MAP3K7: variants seen among roughly 807,000 people sequenced by gnomAD.
MAP3K7 encodes mitogen-activated protein kinase kinase kinase 7.
Under a neutral mutation model 84.8 loss-of-function variants are expected in MAP3K7, and 21 were observed. The observed-to-expected ratio is 0.25, with a 90% CI of 0.18 to 0.36. MAP3K7 has a LOEUF of 0.36. MAP3K7 is among the 10% of genes least tolerant of loss of function. The probability of loss-of-function intolerance (pLI) is 1.00; values close to 1 mark genes in which losing one functional copy is unlikely to be tolerated. For missense variants in MAP3K7, 503 were observed against 747.7 expected, an observed-to-expected ratio of 0.67 and a Z score of 3.82; for synonymous variants, 241 against 247.7, an observed-to-expected ratio of 0.97 and a Z score of 0.25.
chr6:90,533,024 G>T (rs1033866815), intron 13 of MAP3K7, among the ~76,000 whole-genome samples: 1 of 152,158 alleles, frequency 6.6e-6, no homozygotes, highest in Non-Finnish European at 1.5e-5. Flanking sequence ...GCAGTATAAG[G>T]AAGTAAGAGA....
intron 16 of MAP3K7, among the ~76,000 whole-genome samples, chr6:90,517,097 T>C (rs967821154): frequency 4.6e-5 from 7 of 152,004 alleles, no homozygotes; most frequent in African/African-American, 9.6e-5. Context: ...TACTTAACTA[T>C]AGCAGAGAGT....
chr6:90,537,739 C>T (rs1394483295), intron 12 of MAP3K7, among the ~76,000 whole-genome samples: 1 of 151,940 alleles, frequency 6.6e-6, no homozygotes, highest in East Asian at 1.9e-4. Context: ...CACTAGATTA[C>T]TTTTCTGAAT....
intron 7 of MAP3K7, among the ~76,000 whole-genome samples, chr6:90,552,453 C>T (rs963735679): frequency 1.2e-4 from 19 of 152,042 alleles, no homozygotes; most frequent in Admixed American, 1.0e-3. Flanking sequence ...CACAATGATA[C>T]TAATGGTAGT....
intron 1 of MAP3K7, 52 bp from the exon 2 acceptor site, chr6:90,571,859 A>T (rs1366140593): frequency 1.0e-6 from 1 of 983,588 alleles, no homozygotes; most frequent in Non-Finnish European, 1.5e-6. Context: ...CAAGAATCGG[A>T]ATCAAATAGA....
At chr6:90,526,366 TA>T (rs983670908) in intron 13 of MAP3K7, among the ~76,000 whole-genome samples, 16 of 151,930 alleles carry the variant, frequency 1.1e-4, no homozygotes, top group African/African-American at 3.9e-4. Context: ...ATCTCAAAGT[TA>T]AAAAAAATTT....
chr6:90,533,837 G>C (rs932098928), intron 13 of MAP3K7, among the ~76,000 whole-genome samples: 3 of 152,274 alleles, frequency 2.0e-5, no homozygotes, highest in Middle Eastern at 3.4e-3. Flanking sequence ...CCAGTTCCTG[G>C]ATGTCAGGGA....
chr6:90,536,844 T>A (rs1202867938), intron 12 of MAP3K7: 1 of 158,660 alleles, frequency 6.3e-6, no homozygotes, highest in Non-Finnish European at 1.4e-5. Context: ...AATACCTTGT[T>A]CATTTCAGGG....
chr6:90,526,000 T>C (rs1462375904), intron 13 of MAP3K7, among the ~76,000 whole-genome samples: 1 of 152,072 alleles, frequency 6.6e-6, no homozygotes, highest in African/African-American at 2.4e-5. Context: ...AGTTACATGA[T>C]ATTGCACTTG....
chr6:90,576,192 G>A (rs1371878265), intron 1 of MAP3K7, among the ~76,000 whole-genome samples: 1 of 152,092 alleles, frequency 6.6e-6, no homozygotes, highest in Admixed American at 6.5e-5. Context: ...GGGAGGCTGA[G>A]GCAGGCGGAT....
intron 12 of MAP3K7, 168 bp from the exon 13 acceptor site, chr6:90,536,569 A>T (rs929332724): frequency 5.1e-6 from 3 of 586,178 alleles, no homozygotes; most frequent in Middle Eastern, 4.6e-4. Flanking sequence ...AAGAAGAGAA[A>T]GATGTAAAGA....
At chr6:90,584,780 A>C (rs1431692658) in intron 1 of MAP3K7, among the ~76,000 whole-genome samples, 1 of 152,204 alleles carries the variant, frequency 6.6e-6, no homozygotes, top group African/African-American at 2.4e-5. Context: ...TGTAGTCTAC[A>C]AGCATAGCAA....
At chr6:90,527,105 C>T (rs1169089299) in intron 13 of MAP3K7, among the ~76,000 whole-genome samples, 3 of 152,186 alleles carry the variant, frequency 2.0e-5, no homozygotes, top group Non-Finnish European at 4.4e-5. Context: ...ACTCATCTGA[C>T]ATTAGGAAAT....
chr6:90,521,863 C>T (rs568142779), intron 14 of MAP3K7, among the ~76,000 whole-genome samples: 20 of 152,156 alleles, frequency 1.3e-4, no homozygotes, highest in Admixed American at 9.2e-4. Flanking sequence ...TTGTTATGCT[C>T]TTTAGCTTTC....
chr6:90,523,449 TA>T (rs1487370963), intron 14 of MAP3K7, among the ~76,000 whole-genome samples: 1 of 152,124 alleles, frequency 6.6e-6, no homozygotes, highest in Non-Finnish European at 1.5e-5. Flanking sequence ...AGACAATCTT[TA>T]AAATACATGT....
At chr6:90,550,798 A>G (rs1359298958) in intron 8 of MAP3K7, 3 of 321,250 alleles carry the variant, frequency 9.3e-6, no homozygotes, top group African/African-American at 2.1e-5. Context: ...AGAGAAACAT[A>G]TGAAATAAAA....
intron 6 of MAP3K7, among the ~76,000 whole-genome samples, chr6:90,555,465 C>G (rs1776307021): frequency 6.6e-6 from 1 of 152,162 alleles, no homozygotes; most frequent in African/African-American, 2.4e-5. Context: ...CCGTGTTATA[C>G]AGGATGGTCT....
chr6:90,516,738 CTGA>C (rs947830425), intron 16 of MAP3K7, 57 bp from the exon 17 acceptor site: 44 of 1,366,988 alleles, frequency 3.2e-5, no homozygotes, highest in Middle Eastern at 4.7e-4. Context: ...ACCTTAGTAG[CTGA>C]TGATGGAAGC....
At chr6:90,562,367 TC>T (rs1046405663) in intron 3 of MAP3K7, among the ~76,000 whole-genome samples, 1 of 152,120 alleles carries the variant, frequency 6.6e-6, no homozygotes, top group African/African-American at 2.4e-5. Flanking sequence ...ATTGGAACAC[TC>T]CCACCCTAAC....
intron 13 of MAP3K7, among the ~76,000 whole-genome samples, chr6:90,529,409 T>C (rs1775427292): frequency 6.6e-6 from 1 of 152,198 alleles, no homozygotes; most frequent in African/African-American, 2.4e-5. Flanking sequence ...GTCTCCATTC[T>C]GCCACTTACA....
Sources: allele counts gnomAD v4.1 joint callset (sites outside exome capture counted in the v4.1 genomes callset), GRCh38; gene constraint gnomAD v4.1.1; transcripts MANE v1.5; gene names NCBI Gene and HGNC (gene_info 2026-07-23, HGNC 2026-07-21).